TBX5: variants seen among roughly 807,000 people sequenced by gnomAD.
TBX5 encodes the protein T-box transcription factor TBX5.
A neutral mutation model predicts 51.1 loss-of-function variants in TBX5; 8 were observed. That is an observed-to-expected ratio of 0.16 (90% CI 0.09 to 0.28). The LOEUF (loss-of-function observed/expected upper bound fraction) is 0.28, where lower values mean the gene tolerates loss of function less well. Ranked by LOEUF, TBX5 falls within the 10% of genes least tolerant of loss-of-function variation. The pLI is 1.00. For synonymous variants in TBX5, 302 were observed against 266.4 expected, an observed-to-expected ratio of 1.13 and a Z score of -1.30; for missense variants, 589 against 671.7, an observed-to-expected ratio of 0.88 and a Z score of 1.36.
rs2136427582 is a variant in TBX5 at position 114,405,731 on chromosome 12, G to A, written c.-142C>T. 2.0e-6 allele frequency: 2 copies of A among 985,562 alleles called. No homozygotes were observed. Among genetic ancestry groups the A allele is most frequent in the Middle Eastern group, 5.2e-4 (1 of 1,916 alleles). 61.1% of individuals were successfully genotyped at this position (985,562 alleles called of 1,614,324 possible). On this transcript the variant is annotated 5_prime_UTR_variant, in exon 1 of 9. Transcript: ENST00000405440. ...GGCATGGTGGCTCCGGGGTTTATGCGGGGTTTACTGCTTACCCAGAATAGC... is the reference window on the plus strand; with the variant it reads ...GGCATGGTGGCTCCGGGGTTTATGCAGGGTTTACTGCTTACCCAGAATAGC...
chr12:114,392,160 C>T (rs991149970), intron 6 of TBX5, among the ~76,000 whole-genome samples: 6 of 142,552 alleles, frequency 4.2e-5, no homozygotes, highest in East Asian at 2.1e-4. Context: ...TTCAGACACA[C>T]GATTCCCTGG....
At chr12:114,395,813 A>T (rs1437657700) in intron 5 of TBX5, among the ~76,000 whole-genome samples, 1 of 152,104 alleles carries the variant, frequency 6.6e-6, no homozygotes, top group Non-Finnish European at 1.5e-5. Flanking sequence ...TTTTACAACC[A>T]CCATTATCAT....
At chr12:114,369,271 G>T (rs528959842) in intron 7 of TBX5, among the ~76,000 whole-genome samples, 2 of 152,124 alleles carry the variant, frequency 1.3e-5, no homozygotes, top group African/African-American at 4.8e-5. Flanking sequence ...GGAATTCTCC[G>T]TTCCAGTACA....
intron 5 of TBX5, among the ~76,000 whole-genome samples, chr12:114,397,020 G>T (rs1003674929): frequency 1.3e-5 from 2 of 152,142 alleles, no homozygotes; most frequent in African/African-American, 4.8e-5. Flanking sequence ...GCTGAGAGCT[G>T]CATTTACCCA....
chr12:114,385,244 T>C (rs1870745248), intron 7 of TBX5, among the ~76,000 whole-genome samples: 1 of 152,192 alleles, frequency 6.6e-6, no homozygotes, highest in Admixed American at 6.5e-5. Flanking sequence ...TGCCGAACTC[T>C]TCGTACCTTC....
intron 7 of TBX5, among the ~76,000 whole-genome samples, chr12:114,372,302 C>T (rs974007178): frequency 3.3e-5 from 5 of 151,964 alleles, no homozygotes; most frequent in East Asian, 1.9e-4. Flanking sequence ...TTCCCATTGT[C>T]GGTTTTTTTC....
At chr12:114,404,955 A>C (rs1872105169) in intron 1 of TBX5, among the ~76,000 whole-genome samples, 1 of 152,216 alleles carries the variant, frequency 6.6e-6, no homozygotes, top group African/African-American at 2.4e-5. Flanking sequence ...AGAACACACA[A>C]AATAACTGCC....
chr12:114,377,563 T>TC (rs1247523792), intron 7 of TBX5, among the ~76,000 whole-genome samples: 1 of 151,806 alleles, frequency 6.6e-6, no homozygotes, highest in East Asian at 1.9e-4. Flanking sequence ...GTTAATCTTT[T>TC]TTTTTTTTTT....
intron 7 of TBX5, among the ~76,000 whole-genome samples, chr12:114,381,212 A>C (rs2136392731): frequency 6.6e-6 from 1 of 152,376 alleles, no homozygotes; most frequent in East Asian, 1.9e-4. Context: ...CTGTGGAATA[A>C]GTGCAAGGTA....
intron 7 of TBX5, among the ~76,000 whole-genome samples, chr12:114,375,061 G>A (rs1435780011): frequency 2.0e-5 from 3 of 152,140 alleles, no homozygotes; most frequent in African/African-American, 7.2e-5. Context: ...TTTCATAATA[G>A]AACACTGAGG....
chr12:114,373,650 G>A (rs1010251509), intron 7 of TBX5, among the ~76,000 whole-genome samples: 4 of 152,114 alleles, frequency 2.6e-5, no homozygotes, highest in African/African-American at 9.7e-5. Flanking sequence ...GAAGAGGCGG[G>A]GTTTCACCAT....
At chr12:114,387,127 A>C (rs138382680) in intron 6 of TBX5, among the ~76,000 whole-genome samples, 24 of 120,804 alleles carry the variant, frequency 2.0e-4, no homozygotes, top group East Asian at 7.7e-4. Flanking sequence ...AAAAAACAAA[A>C]AAACAAACAA....
intron 8 of TBX5, among the ~76,000 whole-genome samples, chr12:114,359,312 A>C (rs889707916): frequency 6.6e-6 from 1 of 152,194 alleles, no homozygotes; most frequent in African/African-American, 2.4e-5. Flanking sequence ...GTCAGTCATG[A>C]TAAATGCTCT....
At chr12:114,388,675 C>CGTGTGTGTGT (rs59385091) in intron 6 of TBX5, among the ~76,000 whole-genome samples, 14 of 124,406 alleles carry the variant, frequency 1.1e-4, no homozygotes, top group South Asian at 2.9e-4. Flanking sequence ...TTAAAGTATC[C>CGTGTGTGTGT]GTGTGTGTGT....
At chr12:114,373,219 G>T (rs1055177687) in intron 7 of TBX5, among the ~76,000 whole-genome samples, 6 of 152,148 alleles carry the variant, frequency 3.9e-5, no homozygotes, top group African/African-American at 1.4e-4. Context: ...TTCAAAAAAC[G>T]GTTTTGACTC....
In TBX5 at chr12:114,354,526, T is replaced by G. The variant is rs1868763162; in HGVS notation, c.*1006A>C. The G allele has an allele frequency of 6.6e-6, 1 of 152,266 alleles. No individual in the cohort carries two copies. The highest frequency in any genetic ancestry group is 1.9e-4 in the East Asian group (1 of 5,172). The allele number at this position is 152,266 out of a possible 1,614,324, so 9.4% of individuals were successfully genotyped here. On this transcript the variant is annotated 3_prime_UTR_variant, in exon 9 of 9. Transcript: ENST00000405440. ...ATTGTGCATTTTGCTTGACATCCAG[T>G]TTGGGTTGTTGGTGATGGAGGTTTG...
intron 6 of TBX5, among the ~76,000 whole-genome samples, chr12:114,386,836 G>A (rs1870839501): frequency 6.6e-6 from 1 of 152,080 alleles, no homozygotes; most frequent in African/African-American, 2.4e-5. Flanking sequence ...GCTCATGCCT[G>A]TAATCCCAGC....
intron 5 of TBX5, 90 bp from the exon 6 acceptor site, chr12:114,394,983 C>T: frequency 7.7e-7 from 1 of 1,300,708 alleles, no homozygotes; most frequent in Non-Finnish European, 1.1e-6. Context: ...CTAAATTCGC[C>T]TTGTTATATC....
chr12:114,376,164 T>G (rs866515175), intron 7 of TBX5, among the ~76,000 whole-genome samples: 1 of 152,134 alleles, frequency 6.6e-6, no homozygotes, highest in African/African-American at 2.4e-5. Context: ...TAAAGAGATA[T>G]CTACACTCCC....
Sources: allele counts gnomAD v4.1 joint callset (sites outside exome capture counted in the v4.1 genomes callset), GRCh38; gene constraint gnomAD v4.1.1; transcripts MANE v1.5; gene names NCBI Gene and HGNC (gene_info 2026-07-23, HGNC 2026-07-21).